The following CMC2 variants were observed in gnomAD, a reference collection of about 807,000 sequenced individuals.
CMC2 encodes the protein C-X9-C motif containing 2.
A neutral mutation model predicts 7.5 loss-of-function variants in CMC2; 5 were observed. The observed-to-expected ratio is 0.66, with a 90% CI of 0.35 to 1.40. The LOEUF is 1.40. CMC2 is among the 40% of genes most tolerant of loss of function. CMC2 has a pLI of 0.04. For synonymous variants in CMC2, 37 were observed against 31.4 expected (o/e 1.18, Z -0.60); for missense variants, 115 against 92.3 (o/e 1.25, Z -1.01).
Position 80,972,277 on chromosome 16 carries a change from T to C in CMC2, c.*3816A>G, listed in dbSNP as rs1471466697. The stretch of plus-strand genomic sequence containing the variant: ...GCTGGTTCCCTGAATATGATATCAT[T>C]TAAGGGGCACAAATTTCAATATCAG... On this transcript the variant is annotated 3_prime_UTR_variant, in exon 4 of 4. Transcript: ENST00000219400. The C allele has an allele frequency of 1.3e-5, 2 of 152,208 alleles. No individual in the cohort carries two copies. Among genetic ancestry groups the C allele is most frequent in the Non-Finnish European group, 2.9e-5 (2 of 68,044 alleles). The allele number at this position is 152,208 out of a possible 1,614,324, so 9.4% of individuals were successfully genotyped here.
intron 1 of CMC2, chr16:80,997,689 A>C (rs1406247657): frequency 1.3e-5 from 3 of 234,738 alleles, no homozygotes. Context: ...CCAATCCCGG[A>C]AATAAGCACT....
At chr16:81,004,384 G>A (rs189629672) in intron 1 of CMC2, among the ~76,000 whole-genome samples, 1 of 152,332 alleles carries the variant, frequency 6.6e-6, no homozygotes, top group Admixed American at 6.5e-5. Flanking sequence ...CAGACCCCAA[G>A]CCAGGCTGCT....
chr16:81,000,916 T>C lies in CMC2; in HGVS notation c.-35-3487A>G, dbSNP rs138265345. Reference sequence around the variant, plus strand: ...CACTCATAAGTTCTTTGTAGCTCTATTCACAATAGCAAAGATATGGAATCA... The same window carrying C: ...CACTCATAAGTTCTTTGTAGCTCTACTCACAATAGCAAAGATATGGAATCA... On this transcript the variant is annotated intron_variant, in intron 1 of 3. Coordinates refer to ENST00000219400, the MANE Select transcript of CMC2 (RefSeq NM_020188.5). Among the ~76,000 whole-genome samples, 665 of 152,372 alleles carry C rather than the reference T, an allele frequency of 4.4e-3. 10 individuals carry two copies. Among genetic ancestry groups the C allele is most frequent in the African/African-American group, 0.015 (642 of 41,582 alleles).
At chr16:80,993,627 G>C (rs1411607838) in intron 2 of CMC2, among the ~76,000 whole-genome samples, 2 of 152,174 alleles carry the variant, frequency 1.3e-5, no homozygotes. Flanking sequence ...ATAAGCCAAA[G>C]TAGAGATCTC....
intron 1 of CMC2, among the ~76,000 whole-genome samples, chr16:81,004,539 T>C (rs1399451890): frequency 6.6e-6 from 1 of 152,064 alleles, no homozygotes; most frequent in East Asian, 1.9e-4. Flanking sequence ...CCCTCCTCAA[T>C]CCAGCCCCAT....
chr16:80,992,378 AGT>A (rs1186574988), intron 2 of CMC2, among the ~76,000 whole-genome samples: 7 of 152,172 alleles, frequency 4.6e-5, no homozygotes, highest in Non-Finnish European at 1.0e-4. Context: ...AATTCCTATA[AGT>A]GGGACTGATG....
At chr16:80,977,507 T>C (rs1455028450) in intron 3 of CMC2, among the ~76,000 whole-genome samples, 1 of 152,102 alleles carries the variant, frequency 6.6e-6, no homozygotes, top group Non-Finnish European at 1.5e-5. Flanking sequence ...CATCAGAATC[T>C]TTTAGGAGCC....
chr16:80,997,296 G>A lies in CMC2; in HGVS notation c.81+18C>T, dbSNP rs543245885. 20 of 1,376,660 alleles carry A rather than the reference G, an allele frequency of 1.5e-5. No individual in the cohort carries two copies. The African/African-American group carries it at 1.9e-4, about 13-fold the overall frequency. The allele number at this position is 1,376,660 out of a possible 1,614,324, so 85.3% of individuals were successfully genotyped here. Reference sequence around the variant, plus strand: ...TAAGTTTCATTTTGGCTGTACAGTCGTTTTTCTGAACTCTTACATTTTTGT... The same window carrying A: ...TAAGTTTCATTTTGGCTGTACAGTCATTTTTCTGAACTCTTACATTTTTGT... On this transcript the variant is annotated intron_variant, in intron 2 of 3. Transcript: ENST00000219400.
chr16:80,983,736 C>T (rs75734679), intron 2 of CMC2: 8,791 of 152,308 alleles, frequency 0.058, 371 homozygotes, highest in East Asian at 0.2. Context: ...AATCTCAGCA[C>T]TTTGGGAGGC....
At chr16:80,976,312 G>A (rs1366163147) in intron 3 of CMC2, 133 bp from the exon 4 acceptor site, 2 of 574,698 alleles carry the variant, frequency 3.5e-6, no homozygotes, top group East Asian at 3.0e-5. Context: ...TTTTAAACAT[G>A]TTCTTACTGA....
chr16:81,006,235 G>A (rs1161530881), intron 1 of CMC2, among the ~76,000 whole-genome samples: 1 of 87,666 alleles, frequency 1.1e-5, no homozygotes, highest in Admixed American at 1.2e-4. Flanking sequence ...GTGTACTGAT[G>A]GGGCTCTTGG....
rs934627394 is a variant in CMC2 at position 80,998,576 on chromosome 16, C to A, written c.-35-1147G>T. On this transcript the variant is annotated intron_variant, in intron 1 of 3. Coordinates refer to ENST00000219400, the MANE Select transcript of CMC2 (RefSeq NM_020188.5). ...AGGGTTTTGAAGAGATATTTGAACA[C>A]CCATGTTCACGGCATATTATTCACA... 5.3e-5 allele frequency: 8 copies of A among 152,116 alleles called. 1 individual carries two copies. Among genetic ancestry groups the A allele is most frequent in the African/African-American group, 1.7e-4 (7 of 41,418 alleles). The allele number at this position is 152,116 out of a possible 1,614,324, so 9.4% of individuals were successfully genotyped here.
At chr16:80,998,103 C>CTTTTTTT (rs35026954) in intron 1 of CMC2, 1 of 128,322 alleles carries the variant, frequency 7.8e-6, no homozygotes. Context: ...GGCAGCTGTT[C>CTTTTTTT]TTTTTTTTTT....
intron 2 of CMC2, among the ~76,000 whole-genome samples, chr16:80,985,153 C>A (rs1424862341): frequency 6.6e-6 from 1 of 152,148 alleles, no homozygotes; most frequent in African/African-American, 2.4e-5. Flanking sequence ...TAAGAAGTCA[C>A]TGCCATAAAG....
intron 3 of CMC2, among the ~76,000 whole-genome samples, chr16:80,976,627 T>G (rs1323490316): frequency 6.6e-6 from 1 of 152,174 alleles, no homozygotes; most frequent in African/African-American, 2.4e-5. Flanking sequence ...ACAATTCTAC[T>G]CATTCCCAAG....
rs951603840 is a variant in CMC2, at chr16:80,970,942, G to T, written c.*5151C>A. The T allele has an allele frequency of 4.6e-5, 7 of 152,156 alleles. No individual in the cohort carries two copies. 9.4% of individuals were successfully genotyped at this position (152,156 alleles called of 1,614,324 possible). A position where few individuals can be genotyped will look rare whatever the true frequency, so the allele number is the denominator to read the frequency against. ...ATTTTAAAAATCATAAAATTTTCCA[G>T]CCTGGACATGGTGAAACCCTATCTC... On this transcript the variant is annotated 3_prime_UTR_variant, in exon 4 of 4. Coordinates refer to ENST00000219400, the MANE Select transcript of CMC2 (RefSeq NM_020188.5).
chr16:80,996,681 A>G (rs1467079407), intron 2 of CMC2, among the ~76,000 whole-genome samples: 1 of 152,228 alleles, frequency 6.6e-6, no homozygotes, highest in Non-Finnish European at 1.5e-5. Flanking sequence ...TGCAAAGCTA[A>G]AGAAAAAACA....
chr16:80,999,662 G>A (rs1385079761), intron 1 of CMC2, among the ~76,000 whole-genome samples: 1 of 152,070 alleles, frequency 6.6e-6, no homozygotes, highest in Non-Finnish European at 1.5e-5. Flanking sequence ...CCCTACTTCA[G>A]ACTATAAGGC....
intron 2 of CMC2, among the ~76,000 whole-genome samples, chr16:80,986,407 A>G (rs1166644326): frequency 6.6e-6 from 1 of 151,912 alleles, no homozygotes; most frequent in Admixed American, 6.6e-5. Context: ...GTGAGCTGAG[A>G]TTGTACCACT....
Sources: allele counts gnomAD v4.1 joint callset (sites outside exome capture counted in the v4.1 genomes callset), GRCh38; gene constraint gnomAD v4.1.1; transcripts MANE v1.5; gene names NCBI Gene and HGNC (gene_info 2026-07-23, HGNC 2026-07-21).